SORL1: variants seen among roughly 807,000 people sequenced by gnomAD.
SORL1 encodes sortilin-related receptor.
In SORL1, 127 loss-of-function variants were observed where a neutral mutation model predicts 273.7. The observed-to-expected ratio is 0.46, with a 90% CI of 0.40 to 0.54. The LOEUF is 0.54. Ranked by LOEUF, SORL1 falls within the 20% of genes least tolerant of loss-of-function variation. The pLI, the probability that SORL1 is intolerant of heterozygous loss-of-function variation, is 0.00. For synonymous variants in SORL1, 1,031 were observed against 1,067.4 expected (o/e 0.97, Z 0.66); for missense variants, 2,494 against 2,846.1 (o/e 0.88, Z 2.81).
intron 6 of SORL1, among the ~76,000 whole-genome samples, chr11:121,504,248 C>A (rs1861755379): frequency 6.6e-6 from 1 of 152,102 alleles, no homozygotes; most frequent in African/African-American, 2.4e-5. Flanking sequence ...CCCGTCTCTA[C>A]TAAAAATACA....
chr11:121,572,331 C>T (rs1862856666), intron 23 of SORL1, among the ~76,000 whole-genome samples: 1 of 152,188 alleles, frequency 6.6e-6, no homozygotes, highest in African/African-American at 2.4e-5. Context: ...CACAGTTGTG[C>T]ATGAAGGATG....
Position 121,627,456 on chromosome 11 carries a change from T to C in SORL1, c.6365-99T>C. The C allele has an allele frequency of 1.1e-6, 1 of 918,744 alleles. No individual in the cohort carries two copies. The highest frequency in any genetic ancestry group is 1.4e-5 in the South Asian group (1 of 69,306). The allele number at this position is 918,744 out of a possible 1,614,324, so 56.9% of individuals were successfully genotyped here. On this transcript the variant is annotated intron_variant, in intron 46 of 47. Transcript: ENST00000260197. This position sits in a 1 kb window ranked among gnomAD's most constrained non-coding sequence, Gnocchi z 4.9. ...GACAGGCAGTTTGTGTAGCTGTGGC[T>C]ATCGCCCAGCTTTTTTTGGTGGGTG...
At chr11:121,588,841 C>T (rs761815510) in intron 28 of SORL1, among the ~76,000 whole-genome samples, 8 of 152,190 alleles carry the variant, frequency 5.3e-5, no homozygotes, top group Non-Finnish European at 1.0e-4. Context: ...CTCCCTGGCT[C>T]TTCACACGGT....
chr11:121,525,588 T>G (rs1020138664), intron 11 of SORL1, among the ~76,000 whole-genome samples: 1 of 152,242 alleles, frequency 6.6e-6, no homozygotes, highest in Non-Finnish European at 1.5e-5. Flanking sequence ...TTGCCAACAC[T>G]TGGTATGATT....
At chr11:121,542,973 C>T (rs1019265605) in intron 12 of SORL1, among the ~76,000 whole-genome samples, 23 of 150,218 alleles carry the variant, frequency 1.5e-4, no homozygotes, top group South Asian at 4.2e-4. Flanking sequence ...GTCAGGAGGT[C>T]GAGATCATCC....
intron 38 of SORL1, chr11:121,610,610 T>A (rs1863548482): frequency 6.4e-6 from 1 of 155,770 alleles, no homozygotes; most frequent in Non-Finnish European, 1.4e-5. Flanking sequence ...GAATTCGAAC[T>A]CAAGTTTGCC....
At chr11:121,522,500 A>G (rs1370965508) in intron 9 of SORL1, 86 bp from the exon 10 acceptor site, 2 of 984,552 alleles carry the variant, frequency 2.0e-6, no homozygotes, top group South Asian at 1.3e-5. Context: ...TGTCAGCTGC[A>G]CTCCCCTCAC....
chr11:121,489,222 G>A (rs1215875180), intron 4 of SORL1, among the ~76,000 whole-genome samples: 3 of 151,966 alleles, frequency 2.0e-5, no homozygotes, highest in South Asian at 2.1e-4. Flanking sequence ...TTTTTTGTGC[G>A]TGTTAAAATA....
At chr11:121,474,686 A>G (rs983182232) in intron 2 of SORL1, among the ~76,000 whole-genome samples, 3 of 152,230 alleles carry the variant, frequency 2.0e-5, no homozygotes, top group Admixed American at 2.0e-4. Context: ...TGAAAAACCA[A>G]CTAGGAGCAC....
At position 121,627,819 on chromosome 11, in the gene SORL1, A is replaced by G; in HGVS notation, c.6577+52A>G. 7.4e-7 allele frequency: 1 copy of G among 1,346,788 alleles called. No homozygotes were observed. The allele number at this position is 1,346,788 out of a possible 1,614,324, so 83.4% of individuals were successfully genotyped here. On this transcript the variant is annotated intron_variant, in intron 47 of 47. Transcript: ENST00000260197. The surrounding 1 kb of genome is among the most constrained non-coding windows in gnomAD (Gnocchi z 4.9). ...TTCCTCCCAGGGCTGACCCCCACGC[A>G]GCCAATGACTTGATTAGGAAACACC...
chr11:121,492,024 A>G (rs1348743082), intron 5 of SORL1, among the ~76,000 whole-genome samples: 7 of 152,186 alleles, frequency 4.6e-5, no homozygotes, highest in Admixed American at 1.3e-4. Flanking sequence ...AACATCTTCT[A>G]AATGAAGCCC....
rs1280729532 is a variant in SORL1, at chr11:121,452,672, C to CA, written c.285+57dup. On this transcript the variant is annotated intron_variant, in intron 1 of 47. Coordinates refer to ENST00000260197, the MANE Select transcript of SORL1 (RefSeq NM_003105.6). This position sits in a 1 kb window ranked among gnomAD's most constrained non-coding sequence, Gnocchi z 5.3. The stretch of plus-strand genomic sequence containing the variant: ...GTTTTTTCCTCTCCCTGCACTTCCT[C>CA]ACCCCCGCATCCATCCGTTGCAGTC... 1 of 1,370,788 alleles carries CA rather than the reference C, an allele frequency of 7.3e-7. No homozygotes were observed. The highest frequency in any genetic ancestry group is 1.5e-5 in the African/African-American group (1 of 65,854). 84.9% of individuals were successfully genotyped at this position (1,370,788 alleles called of 1,614,324 possible). A position where few individuals can be genotyped will look rare whatever the true frequency, so the allele number is the denominator to read the frequency against.
intron 25 of SORL1, among the ~76,000 whole-genome samples, chr11:121,577,762 C>T (rs559848199): frequency 6.6e-6 from 1 of 152,304 alleles, no homozygotes; most frequent in East Asian, 1.9e-4. Flanking sequence ...AATGGAGCAT[C>T]AGGGGGTTCC....
rs547182841 is a variant in SORL1, at chr11:121,490,226, A to G, written c.758+116A>G. 2.4e-5 allele frequency: 17 copies of G among 708,866 alleles called. No individual in the cohort carries two copies. The East Asian group carries it at 4.1e-4, about 17-fold the overall frequency. 43.9% of individuals were successfully genotyped at this position (708,866 alleles called of 1,614,324 possible). On this transcript the variant is annotated intron_variant, in intron 5 of 47. Coordinates refer to ENST00000260197, the MANE Select transcript of SORL1 (RefSeq NM_003105.6). ...AATGTCCAGCATTTATTCAGGAAAT[A>G]CATTTTTCCAGATCTGAGAATTAGA...
At position 121,588,029 on chromosome 11, in the gene SORL1, G is replaced by A; in HGVS notation, c.3824G>A (p.Cys1275Tyr). ...GSDEQHCEPL[C>Y]THFMDFVCKN... ...TCTGGATCCCTTACAGAGCCCCTCT[G>A]TACGCACTTCATGGACTTTGTGTGT... is the stretch of plus-strand genomic sequence containing the variant. Residue 1275 changes from cysteine to tyrosine, a missense_variant, in exon 28 of 48, where the codon TGT (cysteine) becomes TAT (tyrosine). Coordinates refer to ENST00000260197, the MANE Select transcript of SORL1 (RefSeq NM_003105.6). The A allele has an allele frequency of 6.2e-7, 1 of 1,613,236 alleles. No individual in the cohort carries two copies. The highest frequency in any genetic ancestry group is 8.5e-7 in the Non-Finnish European group (1 of 1,179,468).
chr11:121,556,010 A>G (rs1190433491), intron 18 of SORL1, among the ~76,000 whole-genome samples: 1 of 152,194 alleles, frequency 6.6e-6, no homozygotes, highest in African/African-American at 2.4e-5. Context: ...GAGTTGCAAG[A>G]CGAAAGACAC....
chr11:121,493,446 G>A (rs900992620), intron 5 of SORL1, among the ~76,000 whole-genome samples: 1 of 152,034 alleles, frequency 6.6e-6, no homozygotes, highest in Non-Finnish European at 1.5e-5. Context: ...TAGTAGATAT[G>A]AAGTTTCACC....
intron 6 of SORL1, among the ~76,000 whole-genome samples, chr11:121,503,159 C>T (rs1247615397): frequency 6.6e-6 from 1 of 152,192 alleles, no homozygotes; most frequent in Non-Finnish European, 1.5e-5. Flanking sequence ...CACGAGCCAC[C>T]ATGCCCAGCC....
At chr11:121,475,026 G>A (rs568124372) in intron 2 of SORL1, among the ~76,000 whole-genome samples, 1 of 152,320 alleles carries the variant, frequency 6.6e-6, no homozygotes, top group South Asian at 2.1e-4. Flanking sequence ...GAAAGCTGAC[G>A]TGCGTAGATT....
Sources: allele counts gnomAD v4.1 joint callset (sites outside exome capture counted in the v4.1 genomes callset), GRCh38; gene constraint gnomAD v4.1.1; non-coding constraint Gnocchi (gnomAD v3.1); transcripts MANE v1.5; gene names NCBI Gene and HGNC (gene_info 2026-07-23, HGNC 2026-07-21).